Variants in KCNQ5 observed in about 807,000 individuals in gnomAD.
KCNQ5 encodes the protein potassium voltage-gated channel subfamily Q member 5.
A neutral mutation model predicts 98.2 loss-of-function variants in KCNQ5; 30 were observed. The ratio of observed to expected loss-of-function variants is 0.31; its 90% CI spans 0.23 to 0.41. The LOEUF is 0.41. Ranked by LOEUF, KCNQ5 falls within the 10% of genes least tolerant of loss-of-function variation. KCNQ5 has a pLI of 1.00. For missense variants in KCNQ5, 835 were observed against 1,182.5 expected (o/e 0.71, Z 4.31); for synonymous variants, 458 against 449.4 (o/e 1.02, Z -0.24).
At chr6:73,057,183 A>G (rs993105543) in intron 3 of KCNQ5, among the ~76,000 whole-genome samples, 1 of 152,168 alleles carries the variant, frequency 6.6e-6, no homozygotes, top group Non-Finnish European at 1.5e-5. Context: ...TTGCAGGGAC[A>G]TGGATGAAGC....
chr6:72,972,210 G>C (rs1482014723), intron 1 of KCNQ5, among the ~76,000 whole-genome samples: 1 of 152,140 alleles, frequency 6.6e-6, no homozygotes, highest in Admixed American at 6.5e-5. Context: ...CAGAAAGCCA[G>C]TTTTCAGAAT....
chr6:73,159,491 C>A (rs1777525342), intron 10 of KCNQ5, among the ~76,000 whole-genome samples: 2 of 151,942 alleles, frequency 1.3e-5, no homozygotes, highest in South Asian at 2.1e-4. Flanking sequence ...GTTTAAAAAT[C>A]AAAAATAAAA....
chr6:72,940,580 C>G (rs545042860), intron 1 of KCNQ5, among the ~76,000 whole-genome samples: 1 of 152,176 alleles, frequency 6.6e-6, no homozygotes, highest in South Asian at 2.1e-4. Context: ...CTACCAGATG[C>G]GGACAGAGAT....
chr6:73,047,354 A>G (rs1772014412), intron 3 of KCNQ5, among the ~76,000 whole-genome samples: 1 of 152,218 alleles, frequency 6.6e-6, no homozygotes, highest in African/African-American at 2.4e-5. Context: ...TACCTGTATC[A>G]AACTTGCATA....
chr6:72,785,537 A>T lies in KCNQ5; in HGVS notation c.398+162950A>T, dbSNP rs555401710. The stretch of plus-strand genomic sequence containing the variant: ...TGATGGTGGGCGCCTGTAATCCCAG[A>T]TACTCGGGAGGCTGAGTCAGGAGAA... On this transcript the variant is annotated intron_variant, in intron 1 of 13. Transcript: ENST00000370398. Among the ~76,000 whole-genome samples, 34 of 152,020 alleles carry T rather than the reference A, an allele frequency of 2.2e-4. No homozygotes were observed. The South Asian group carries it at 6.0e-3, about 27-fold the overall frequency.
At position 73,189,580 on chromosome 6, in the gene KCNQ5, A is replaced by G. The variant is rs115733108; in HGVS notation, c.1578-993A>G. On this transcript the variant is annotated intron_variant, in intron 11 of 13. Coordinates refer to ENST00000370398, the MANE Select transcript of KCNQ5 (RefSeq NM_019842.4). ...GTGACTGATTCCCAGCCTGGAATCT[A>G]CAAGTGTGATAATGGAAGTCTATGG... Among the ~76,000 whole-genome samples, 1,234 of 152,318 alleles carry G rather than the reference A, an allele frequency of 8.1e-3. 13 individuals carry two copies. The highest frequency in any genetic ancestry group is 0.028 in the African/African-American group (1,169 of 41,566).
chr6:73,174,577 G>A (rs1453142994), intron 11 of KCNQ5, among the ~76,000 whole-genome samples: 1 of 152,152 alleles, frequency 6.6e-6, no homozygotes, highest in Non-Finnish European at 1.5e-5. Flanking sequence ...ACTCAAAGAA[G>A]TCTTTAGTTG....
chr6:72,909,397 C>T (rs1467782660), intron 1 of KCNQ5, among the ~76,000 whole-genome samples: 2 of 151,948 alleles, frequency 1.3e-5, no homozygotes, highest in African/African-American at 4.8e-5. Context: ...GTGAAGAGTC[C>T]CCAAACTATT....
intron 1 of KCNQ5, among the ~76,000 whole-genome samples, chr6:72,641,781 A>G (rs1444127930): frequency 6.6e-6 from 1 of 152,078 alleles, no homozygotes; most frequent in Non-Finnish European, 1.5e-5. Flanking sequence ...CCAATAATTG[A>G]CCATTTTCTG....
At chr6:72,987,412 C>A (rs1460447322) in intron 1 of KCNQ5, 87 of 703,798 alleles carry the variant, frequency 1.2e-4, no homozygotes, top group Non-Finnish European at 2.2e-4. Context: ...AGGAAGTGGA[C>A]GGGAACCTAG....
intron 1 of KCNQ5, among the ~76,000 whole-genome samples, chr6:72,750,586 TTTAA>T (rs527533225): frequency 0.018 from 2,686 of 152,158 alleles, 41 homozygotes; most frequent in Middle Eastern, 0.048. Flanking sequence ...TATGATGCTT[TTTAA>T]GTTCACTTGA....
rs554231958 is a variant in KCNQ5 at position 73,066,844 on chromosome 6, A to C, written c.617-10478A>C. On this transcript the variant is annotated intron_variant, in intron 3 of 13. Transcript: ENST00000370398. ...TCCTTCTGTATACATAAGCAAATAT[A>C]ATGGAACCAGAACACTTCTATTCCT... 9.2e-5 allele frequency among the ~76,000 whole-genome samples: 14 copies of C among 152,292 alleles called. 1 individual carries two copies. In the South Asian group the frequency reaches 1.5e-3, roughly 16 times the overall value.
intron 1 of KCNQ5, among the ~76,000 whole-genome samples, chr6:72,784,715 A>C (rs1347457712): frequency 1.3e-5 from 2 of 152,154 alleles, no homozygotes; most frequent in Non-Finnish European, 2.9e-5. Context: ...CCAAGAGGCT[A>C]CTAGCAAGGC....
At chr6:72,876,113 T>A (rs1778399610) in intron 1 of KCNQ5, among the ~76,000 whole-genome samples, 2 of 152,100 alleles carry the variant, frequency 1.3e-5, no homozygotes, top group African/African-American at 4.8e-5. Context: ...TATAGTTAGT[T>A]ATTTGTCTCT....
intron 1 of KCNQ5, among the ~76,000 whole-genome samples, chr6:72,686,962 C>G (rs1286936106): frequency 6.6e-6 from 1 of 152,022 alleles, no homozygotes; most frequent in Non-Finnish European, 1.5e-5. Context: ...TGATTATCTA[C>G]TGATTTTTGT....
intron 2 of KCNQ5, among the ~76,000 whole-genome samples, chr6:73,007,841 C>A (rs77304918): frequency 2.0e-5 from 3 of 152,158 alleles, no homozygotes; most frequent in Non-Finnish European, 2.9e-5. Context: ...GTAAGCCCCT[C>A]CCCTACCAGC....
intron 1 of KCNQ5, among the ~76,000 whole-genome samples, chr6:72,956,998 G>A (rs892493886): frequency 2.0e-5 from 3 of 152,102 alleles, no homozygotes; most frequent in African/African-American, 4.8e-5. Flanking sequence ...GTTCAGGCCC[G>A]TTGCATTACA....
intron 1 of KCNQ5, among the ~76,000 whole-genome samples, chr6:72,644,048 T>C (rs80203373): frequency 0.013 from 2,023 of 152,176 alleles, 30 homozygotes; most frequent in African/African-American, 0.042. Context: ...TAAACCAGTA[T>C]GTACAGCACA....
chr6:73,031,368 G>A (rs1582222538), intron 2 of KCNQ5, among the ~76,000 whole-genome samples: 1 of 152,328 alleles, frequency 6.6e-6, no homozygotes, highest in Non-Finnish European at 1.5e-5. Flanking sequence ...GTGTCATAAA[G>A]CTGAATAGAC....
Sources: gnomAD v4.1 joint callset for allele counts (sites outside exome capture counted in the v4.1 genomes callset) on GRCh38, gnomAD v4.1.1 for gene constraint, MANE v1.5 for transcripts, NCBI Gene and HGNC (gene_info 2026-07-23, HGNC 2026-07-21) for gene names.